Variants in RIT2 observed in about 807,000 individuals in gnomAD.
RIT2 encodes the protein GTP-binding protein Rit2.
A neutral mutation model predicts 23.7 loss-of-function variants in RIT2; 24 were observed. The ratio of observed to expected loss-of-function variants is 1.01; its 90% CI spans 0.73 to 1.43. The LOEUF is 1.43. RIT2 is among the 40% of genes most tolerant of loss of function. RIT2 has a pLI of 0.00. For missense variants in RIT2, 236 were observed against 266.9 expected (o/e 0.88, Z 0.81); for synonymous variants, 107 against 91.1 (o/e 1.17, Z -0.99).
At chr18:42,875,108 T>C (rs530991009) in intron 4 of RIT2, among the ~76,000 whole-genome samples, 2 of 152,216 alleles carry the variant, frequency 1.3e-5, no homozygotes, top group South Asian at 2.1e-4. Context: ...TCCCTACTAC[T>C]AGAGTGTCTG....
At chr18:42,993,272 T>A (rs969697034) in intron 2 of RIT2, among the ~76,000 whole-genome samples, 7 of 152,192 alleles carry the variant, frequency 4.6e-5, no homozygotes, top group Non-Finnish European at 2.9e-5. Flanking sequence ...TGGTAGCCAC[T>A]CCCAGAGTCC....
chr18:42,978,100 C>T (rs972609563), intron 2 of RIT2, among the ~76,000 whole-genome samples: 2 of 151,776 alleles, frequency 1.3e-5, no homozygotes, highest in Non-Finnish European at 2.9e-5. Context: ...TATTTAAACT[C>T]AAAGCCCCAA....
chr18:42,945,014 T>C (rs1269888169), intron 3 of RIT2, among the ~76,000 whole-genome samples: 1 of 152,134 alleles, frequency 6.6e-6, no homozygotes, highest in Non-Finnish European at 1.5e-5. Flanking sequence ...TTTTAATTAT[T>C]GCATACTAAG....
chr18:42,835,520 T>C (rs1906572765), intron 4 of RIT2, among the ~76,000 whole-genome samples: 1 of 152,166 alleles, frequency 6.6e-6, no homozygotes, highest in South Asian at 2.1e-4. Context: ...CTGCTACTTG[T>C]TTATTAAAAG....
chr18:42,941,465 G>A (rs779343131), intron 3 of RIT2, among the ~76,000 whole-genome samples: 6 of 151,896 alleles, frequency 4.0e-5, no homozygotes, highest in Non-Finnish European at 7.4e-5. Flanking sequence ...ACTGTTTGCC[G>A]CCCATAGATA....
chr18:42,744,887 T>G (rs1385544804), intron 4 of RIT2, among the ~76,000 whole-genome samples: 2 of 152,204 alleles, frequency 1.3e-5, no homozygotes, highest in Non-Finnish European at 2.9e-5. Context: ...TTGGTGGCAG[T>G]TACCCATGCT....
intron 1 of RIT2, among the ~76,000 whole-genome samples, chr18:43,111,919 T>C (rs1456010430): frequency 6.6e-6 from 1 of 152,058 alleles, no homozygotes; most frequent in Non-Finnish European, 1.5e-5. Context: ...AAATAATTCT[T>C]GTGTATCCCT....
intron 1 of RIT2, among the ~76,000 whole-genome samples, chr18:43,112,624 C>T (rs1227479485): frequency 1.3e-5 from 2 of 152,108 alleles, no homozygotes; most frequent in Non-Finnish European, 2.9e-5. Context: ...ATTTCTCAGG[C>T]CAGGCACAAT....
chr18:42,971,994 T>C (rs983977330), intron 3 of RIT2, among the ~76,000 whole-genome samples: 3 of 152,030 alleles, frequency 2.0e-5, no homozygotes, highest in South Asian at 2.1e-4. Flanking sequence ...TGAATGAATA[T>C]TCAATAAATG....
At chr18:43,017,293 G>A (rs1598749220) in intron 2 of RIT2, among the ~76,000 whole-genome samples, 1 of 151,768 alleles carries the variant, frequency 6.6e-6, no homozygotes, top group Non-Finnish European at 1.5e-5. Context: ...CAATATGTAG[G>A]TCATGTCTAC....
intron 1 of RIT2, among the ~76,000 whole-genome samples, chr18:43,071,950 T>C (rs1912907676): frequency 6.6e-6 from 1 of 151,728 alleles, no homozygotes; most frequent in South Asian, 2.1e-4. Flanking sequence ...TTCAGAAAAT[T>C]CATTTATGCC....
At chr18:42,800,774 G>A (rs1455818696) in intron 4 of RIT2, among the ~76,000 whole-genome samples, 3 of 151,994 alleles carry the variant, frequency 2.0e-5, no homozygotes, top group African/African-American at 7.2e-5. Flanking sequence ...CTCGTGATCC[G>A]CCCGCCTCGG....
intron 4 of RIT2, among the ~76,000 whole-genome samples, chr18:42,837,355 G>A (rs1182001423): frequency 2.0e-5 from 3 of 151,166 alleles, no homozygotes; most frequent in Non-Finnish European, 4.4e-5. Context: ...TTTTAGTAGA[G>A]ATGAGGTTTC....
intron 3 of RIT2, among the ~76,000 whole-genome samples, chr18:42,929,129 T>C (rs1039932455): frequency 6.7e-6 from 1 of 148,366 alleles, no homozygotes; most frequent in Non-Finnish European, 1.5e-5. Flanking sequence ...TGATTTACAA[T>C]TTGACTCTGA....
chr18:43,040,319 T>C (rs1912098122), intron 1 of RIT2, among the ~76,000 whole-genome samples: 1 of 152,216 alleles, frequency 6.6e-6, no homozygotes. Context: ...ATAAGAACGC[T>C]ATTTCCTAGC....
chr18:42,991,330 C>T (rs942592525), intron 2 of RIT2, among the ~76,000 whole-genome samples: 11 of 152,126 alleles, frequency 7.2e-5, no homozygotes, highest in African/African-American at 2.7e-4. Context: ...AAACACACTC[C>T]CATACACAGT....
chr18:42,749,780 G>T lies in RIT2; in HGVS notation c.427-6060C>A, dbSNP rs539060839. On this transcript the variant is annotated intron_variant, in intron 4 of 4. Transcript: ENST00000326695. Reference sequence around the variant, plus strand: ...CACACAAAAATAGAAATTCTATATTGTCCTAAACATTAGACAAAAAATTAA... The same window carrying T: ...CACACAAAAATAGAAATTCTATATTTTCCTAAACATTAGACAAAAAATTAA... Among the ~76,000 whole-genome samples, 4 of 151,874 alleles carry T rather than the reference G, an allele frequency of 2.6e-5. No individual in the cohort carries two copies. The East Asian group carries it at 7.7e-4, about 29-fold the overall frequency.
At chr18:42,902,928 A>T (rs1908514782) in intron 4 of RIT2, among the ~76,000 whole-genome samples, 1 of 151,816 alleles carries the variant, frequency 6.6e-6, no homozygotes, top group African/African-American at 2.4e-5. Flanking sequence ...CTATAAAATT[A>T]AAACAAAATG....
chr18:42,961,857 T>C (rs1213668540), intron 3 of RIT2, among the ~76,000 whole-genome samples: 2 of 152,198 alleles, frequency 1.3e-5, no homozygotes, highest in African/African-American at 4.8e-5. Context: ...AAAGTGGTAT[T>C]CTCTCAGAGG....
Sources: allele counts gnomAD v4.1 joint callset (sites outside exome capture counted in the v4.1 genomes callset), GRCh38; gene constraint gnomAD v4.1.1; transcripts MANE v1.5; gene names NCBI Gene and HGNC (gene_info 2026-07-23, HGNC 2026-07-21).